The following DYNC1I1 variants were observed in gnomAD, a reference collection of about 807,000 sequenced individuals.
DYNC1I1 encodes the protein dynein cytoplasmic 1 intermediate chain 1, also known as cytoplasmic dynein 1 intermediate chain 1.
A neutral mutation model predicts 86.6 loss-of-function variants in DYNC1I1; 43 were observed. The observed-to-expected ratio is 0.50, with a 90% CI of 0.39 to 0.64. The LOEUF is 0.64. Ranked by LOEUF, DYNC1I1 falls within the 30% of genes least tolerant of loss-of-function variation. The pLI is 0.00. For synonymous variants in DYNC1I1, 262 were observed against 283.7 expected (o/e 0.92, Z 0.77); for missense variants, 604 against 788.8 (o/e 0.77, Z 2.81).
At chr7:96,037,465 T>A (rs1397270519) in intron 13 of DYNC1I1, among the ~76,000 whole-genome samples, 1 of 152,182 alleles carries the variant, frequency 6.6e-6, no homozygotes, top group Non-Finnish European at 1.5e-5. Context: ...GTAGAATGTC[T>A]TAAGTGGCAT....
intron 14 of DYNC1I1, among the ~76,000 whole-genome samples, chr7:96,071,323 G>GT: frequency 6.6e-6 from 1 of 152,192 alleles, no homozygotes; most frequent in South Asian, 2.1e-4. Flanking sequence ...AACAAAGCAC[G>GT]TAATAAAGCA....
intron 5 of DYNC1I1, among the ~76,000 whole-genome samples, chr7:95,867,330 G>T (rs1028728566): frequency 6.6e-6 from 1 of 152,190 alleles, no homozygotes; most frequent in Admixed American, 6.5e-5. Flanking sequence ...TGCTATGTAA[G>T]CATTAGCTTC....
chr7:95,809,654 C>T (rs1794783087), intron 2 of DYNC1I1, among the ~76,000 whole-genome samples: 2 of 152,098 alleles, frequency 1.3e-5, no homozygotes, highest in East Asian at 3.9e-4. Context: ...ACCAACTGGG[C>T]ATAGGATCTG....
chr7:95,877,129 G>A (rs1461548677), intron 6 of DYNC1I1, among the ~76,000 whole-genome samples: 1 of 152,058 alleles, frequency 6.6e-6, no homozygotes, highest in Non-Finnish European at 1.5e-5. Context: ...CTCCCACTTG[G>A]AGAGCTATTG....
chr7:95,925,731 A>T (rs574859337), intron 6 of DYNC1I1, among the ~76,000 whole-genome samples: 1 of 152,328 alleles, frequency 6.6e-6, no homozygotes, highest in South Asian at 2.1e-4. Context: ...CTTTGTTCAC[A>T]AGTGACATTT....
chr7:96,104,910 AC>A (rs1312288174), intron 16 of DYNC1I1, among the ~76,000 whole-genome samples: 2 of 152,140 alleles, frequency 1.3e-5, no homozygotes, highest in East Asian at 3.8e-4. Flanking sequence ...TTTTAAAAAA[AC>A]ATACTGCTTG....
chr7:96,026,851 C>G (rs543445828), intron 10 of DYNC1I1, among the ~76,000 whole-genome samples: 114 of 152,262 alleles, frequency 7.5e-4, no homozygotes, highest in African/African-American at 2.6e-3. Context: ...AACAAATCTT[C>G]CCCTTCCATC....
chr7:95,878,388 A>G (rs1790364158), intron 6 of DYNC1I1, among the ~76,000 whole-genome samples: 1 of 151,800 alleles, frequency 6.6e-6, no homozygotes, highest in Non-Finnish European at 1.5e-5. Flanking sequence ...AATTTTTTGG[A>G]AAAAAAAGGA....
intron 14 of DYNC1I1, among the ~76,000 whole-genome samples, chr7:96,044,380 G>C (rs1211097479): frequency 1.3e-5 from 2 of 152,122 alleles, no homozygotes. Context: ...GTTTGTTGAG[G>C]GTGGGACAAA....
chr7:95,863,265 A>C (rs1486952382), intron 5 of DYNC1I1, among the ~76,000 whole-genome samples: 4 of 152,244 alleles, frequency 2.6e-5, no homozygotes, highest in Non-Finnish European at 4.4e-5. Context: ...TAGTGAGACA[A>C]AAAGGCTACA....
intron 10 of DYNC1I1, among the ~76,000 whole-genome samples, chr7:96,002,638 A>G (rs1427151361): frequency 6.6e-6 from 1 of 152,168 alleles, no homozygotes; most frequent in African/African-American, 2.4e-5. Flanking sequence ...ATCTTTGTGT[A>G]TTGTCCAAAT....
chr7:96,026,375 AT>A (rs927302366), intron 10 of DYNC1I1, among the ~76,000 whole-genome samples: 7 of 151,244 alleles, frequency 4.6e-5, no homozygotes, highest in Non-Finnish European at 7.4e-5. Context: ...GTTCTGTTTT[AT>A]TTTTTTTAAT....
intron 6 of DYNC1I1, among the ~76,000 whole-genome samples, chr7:95,936,882 T>G (rs1048874023): frequency 2.7e-5 from 4 of 150,936 alleles, no homozygotes; most frequent in African/African-American, 9.7e-5. Flanking sequence ...AACAGTTCAT[T>G]GTAGCATTAT....
intron 4 of DYNC1I1, among the ~76,000 whole-genome samples, chr7:95,823,952 C>CTATATATTTATATATATATATATATATA (rs1795138884): frequency 1.3e-5 from 1 of 77,902 alleles, no homozygotes; most frequent in African/African-American, 6.6e-5. Flanking sequence ...TTCTACTAAA[C>CTATATATTTATATATATATATATATATA]TATATATATA....
chr7:95,934,386 T>C (rs1220791455), intron 6 of DYNC1I1, among the ~76,000 whole-genome samples: 1 of 152,164 alleles, frequency 6.6e-6, no homozygotes, highest in Non-Finnish European at 1.5e-5. Flanking sequence ...GATCAACATA[T>C]AAGTGGGAAT....
chr7:95,905,315 C>T (rs1364210566), intron 6 of DYNC1I1, among the ~76,000 whole-genome samples: 1 of 152,166 alleles, frequency 6.6e-6, no homozygotes, highest in Non-Finnish European at 1.5e-5. Flanking sequence ...AACACTAAGG[C>T]AAGCCTTGGT....
intron 14 of DYNC1I1, among the ~76,000 whole-genome samples, chr7:96,046,386 A>G (rs1049116131): frequency 6.6e-6 from 1 of 152,242 alleles, no homozygotes; most frequent in African/African-American, 2.4e-5. Flanking sequence ...TATCGAGGTC[A>G]TACTATGTAC....
At chr7:96,060,658 T>G (rs560571174) in intron 14 of DYNC1I1, among the ~76,000 whole-genome samples, 1 of 152,268 alleles carries the variant, frequency 6.6e-6, no homozygotes, top group African/African-American at 2.4e-5. Context: ...TCAGTGTGGA[T>G]CCATCAGTTG....
At chr7:95,953,803 G>C (rs1792624930) in intron 6 of DYNC1I1, among the ~76,000 whole-genome samples, 1 of 152,210 alleles carries the variant, frequency 6.6e-6, no homozygotes, top group Non-Finnish European at 1.5e-5. Context: ...TTTGTGAAAA[G>C]CCTGTGGCTG....
Sources: allele counts gnomAD v4.1 joint callset (sites outside exome capture counted in the v4.1 genomes callset), GRCh38; gene constraint gnomAD v4.1.1; transcripts MANE v1.5; gene names NCBI Gene and HGNC (gene_info 2026-07-23, HGNC 2026-07-21).